Variants in PRSS12 observed in about 807,000 individuals in gnomAD.
The protein encoded by PRSS12 is neurotrypsin.
A neutral mutation model predicts 104.4 loss-of-function variants in PRSS12; 85 were observed. That is an observed-to-expected ratio of 0.81 (90% CI 0.68 to 0.98). The LOEUF is 0.98. PRSS12 is among the 50% of genes least tolerant of loss of function. PRSS12 has a pLI of 0.00. For missense variants in PRSS12, 1,141 were observed against 1,139.2 expected, an observed-to-expected ratio of 1.00 and a Z score of -0.02; for synonymous variants, 454 against 425.2, an observed-to-expected ratio of 1.07 and a Z score of -0.83.
At chr4:118,294,633 C>A (rs1332498030) in intron 11 of PRSS12, among the ~76,000 whole-genome samples, 3 of 152,086 alleles carry the variant, frequency 2.0e-5, no homozygotes, top group Non-Finnish European at 4.4e-5. Context: ...TCTACCTCCA[C>A]AAAGATATAA....
rs1743614835 is a variant in PRSS12, at chr4:118,308,478, G to C, written c.1589C>G (p.Thr530Ser). ...ACAGATCACAGCTGCATCCTTATCA[G>C]TCCATCCATCATCACAGATTGTTCC... ...QWGTICDDGW[T>S]DKDAAVICRQ... is the part of the protein sequence containing the mutation. The change falls in exon 8 of 13, where the codon ACT becomes AGT. Residue 530 changes from threonine (T) to serine (S), a missense_variant. Thr to Ser is a moderately conservative substitution (Grantham distance 58). Coordinates refer to ENST00000296498, the MANE Select transcript of PRSS12 (RefSeq NM_003619.4). The C allele has an allele frequency of 6.2e-7, 1 of 1,613,892 alleles. No homozygotes were observed. Among genetic ancestry groups the C allele is most frequent in the African/African-American group, 1.3e-5 (1 of 74,896 alleles).
chr4:118,342,637 C>G (rs967698177), intron 1 of PRSS12, among the ~76,000 whole-genome samples: 1 of 152,126 alleles, frequency 6.6e-6, no homozygotes, highest in Non-Finnish European at 1.5e-5. Context: ...TGGAATTGTA[C>G]CACTATGCGT....
intron 11 of PRSS12, among the ~76,000 whole-genome samples, chr4:118,288,398 A>G (rs1743057591): frequency 6.6e-6 from 1 of 152,214 alleles, no homozygotes; most frequent in South Asian, 2.1e-4. Flanking sequence ...GTCATGATGA[A>G]ACATATATTA....
chr4:118,295,235 C>G (rs775755695), intron 10 of PRSS12, among the ~76,000 whole-genome samples, 174 bp from the exon 11 acceptor site: 14 of 152,208 alleles, frequency 9.2e-5, no homozygotes, highest in Admixed American at 5.2e-4. Context: ...CCCCACAACT[C>G]TGAGCAGGCC....
chr4:118,319,457 G>A (rs573543909), intron 4 of PRSS12, among the ~76,000 whole-genome samples: 3 of 152,232 alleles, frequency 2.0e-5, no homozygotes, highest in Non-Finnish European at 4.4e-5. Flanking sequence ...GATGGCTGGA[G>A]CCTAATAAGT....
chr4:118,335,765 C>CAAAG (rs1420922079), intron 2 of PRSS12, 114 bp from the exon 3 acceptor site: 1 of 986,506 alleles, frequency 1.0e-6, no homozygotes, highest in Admixed American at 1.9e-5. Context: ...ATGGAAGAAA[C>CAAAG]AAAGAAAGAA....
chr4:118,346,924 G>A (rs1724369812), intron 1 of PRSS12, among the ~76,000 whole-genome samples: 1 of 152,138 alleles, frequency 6.6e-6, no homozygotes, highest in Admixed American at 6.5e-5. Context: ...AAAGGTTGGG[G>A]ACTGGTGTCT....
Position 118,287,388 on chromosome 4 carries a change from G to T in PRSS12, c.2040-4277C>A, listed in dbSNP as rs935500343. On this transcript the variant is annotated intron_variant, in intron 11 of 12. Coordinates refer to ENST00000296498, the MANE Select transcript of PRSS12 (RefSeq NM_003619.4). Reference sequence around the variant, plus strand: ...TGGCCTCAAACTCCTGGGCTCAAGCGATCTGCCTGCCTTGGCCTCCTGAAG... The same window carrying T: ...TGGCCTCAAACTCCTGGGCTCAAGCTATCTGCCTGCCTTGGCCTCCTGAAG... Among the ~76,000 whole-genome samples, 4 of 152,128 alleles carry T rather than the reference G, an allele frequency of 2.6e-5. No individual in the cohort carries two copies. In the South Asian group the frequency reaches 8.3e-4, roughly 32 times the overall value.
chr4:118,343,192 C>A lies in PRSS12; in HGVS notation c.503-4878G>T, dbSNP rs115548107. Among the ~76,000 whole-genome samples, 812 of 151,372 alleles carry A rather than the reference C, an allele frequency of 5.4e-3. 8 individuals carry two copies. The highest frequency in any genetic ancestry group is 0.018 in the African/African-American group (751 of 41,204). ...CTGTTTGAGCCCTGGGGTTAGAGAT[C>A]GGCCTAGACAACAGAGTGAGACACT... On this transcript the variant is annotated intron_variant, in intron 1 of 12. Transcript: ENST00000296498.
chr4:118,345,609 A>T (rs1724336313), intron 1 of PRSS12, among the ~76,000 whole-genome samples: 1 of 152,160 alleles, frequency 6.6e-6, no homozygotes, highest in South Asian at 2.1e-4. Context: ...CAGCATTCTC[A>T]TCAATTATGG....
chr4:118,320,699 C>G (rs1723594911), intron 4 of PRSS12, among the ~76,000 whole-genome samples: 14 of 152,040 alleles, frequency 9.2e-5, no homozygotes, highest in Admixed American at 6.6e-5. Flanking sequence ...GCTGCAATGA[C>G]CCGTGATCAT....
chr4:118,309,531 C>T (rs1463702167), intron 7 of PRSS12, among the ~76,000 whole-genome samples: 2 of 152,214 alleles, frequency 1.3e-5, no homozygotes, highest in South Asian at 2.1e-4. Flanking sequence ...ACCAACCCTA[C>T]TGACATTTGA....
At chr4:118,330,597 T>C (rs1723893856) in intron 4 of PRSS12, among the ~76,000 whole-genome samples, 1 of 152,124 alleles carries the variant, frequency 6.6e-6, no homozygotes, top group Non-Finnish European at 1.5e-5. Flanking sequence ...TTGGACTAAA[T>C]TCTGCTTCAG....
At chr4:118,317,840 TGTAA>T (rs1723489978) in intron 5 of PRSS12, among the ~76,000 whole-genome samples, 1 of 152,208 alleles carries the variant, frequency 6.6e-6, no homozygotes, top group Non-Finnish European at 1.5e-5. Flanking sequence ...TCCCTAAACA[TGTAA>T]GTACATACAC....
intron 1 of PRSS12, among the ~76,000 whole-genome samples, chr4:118,339,147 C>A (rs113821400): frequency 3.3e-5 from 5 of 152,180 alleles, no homozygotes; most frequent in Non-Finnish European, 5.9e-5. Flanking sequence ...CAAAGACCTA[C>A]ATTCCTCTTC....
Position 118,298,796 on chromosome 4 carries a change from T to G in PRSS12, c.1774A>C (p.Ser592Arg). 6.2e-7 allele frequency: 1 copy of G among 1,614,232 alleles called. No individual in the cohort carries two copies. The highest frequency in any genetic ancestry group is 2.2e-5 in the East Asian group (1 of 44,890). Residue 592 changes from serine to arginine, a missense_variant, in exon 9 of 13, where the codon AGT becomes CGT. Transcript: ENST00000296498. ...TCACAAATAACTCCTGCATCTTCAC[T>G]GTGGCGGCAGTTGTGTCTTCCAATA... ...QDIGRHNCRH[S>R]EDAGVICDYF...
intron 7 of PRSS12, among the ~76,000 whole-genome samples, chr4:118,310,508 G>A (rs572641953): frequency 5.9e-5 from 9 of 152,172 alleles, no homozygotes; most frequent in South Asian, 2.1e-4. Context: ...CCATCCATAC[G>A]TTGTCACTAT....
chr4:118,291,052 G>GC (rs1210903265), intron 11 of PRSS12, among the ~76,000 whole-genome samples: 4 of 150,126 alleles, frequency 2.7e-5, no homozygotes, highest in Admixed American at 6.7e-5. Flanking sequence ...ATTCACAGAC[G>GC]CCCCCCTAGA....
At position 118,298,839 on chromosome 4, in the gene PRSS12, A is replaced by T; in HGVS notation, c.1731T>A (p.Ala577=). 3 of 1,614,188 alleles carry T rather than the reference A, an allele frequency of 1.9e-6. No individual in the cohort carries two copies. The highest frequency in any genetic ancestry group is 2.5e-6 in the Non-Finnish European group (3 of 1,180,032). ...VKCTGNERSL[A]DCIKQDIGRH... ...TTCCAATATCTTGCTTGATACAGTC[A>T]GCCAAGGACCTCTCATTTCCTGTGC... The change falls in exon 9 of 13, where the codon GCT becomes GCA. Residue 577 remains alanine (A), a synonymous_variant. Coordinates refer to ENST00000296498, the MANE Select transcript of PRSS12 (RefSeq NM_003619.4).
Sources: gnomAD v4.1 joint callset for allele counts (sites outside exome capture counted in the v4.1 genomes callset) on GRCh38, gnomAD v4.1.1 for gene constraint, MANE v1.5 for transcripts, NCBI Gene and HGNC (gene_info 2026-07-23, HGNC 2026-07-21) for gene names.